The following PTPN14 variants were observed in gnomAD, a reference collection of about 807,000 sequenced individuals.
PTPN14 encodes protein tyrosine phosphatase non-receptor type 14.
PTPN14 carries 53 observed loss-of-function variants against 126.8 expected under a neutral mutation model. The ratio of observed to expected loss-of-function variants is 0.42; its 90% CI spans 0.34 to 0.53. The LOEUF is 0.53. Among genes scored for constraint, PTPN14 ranks in the 20% least tolerant of loss-of-function variants. The pLI, the probability that PTPN14 is intolerant of heterozygous loss-of-function variation, is 0.08. For synonymous variants in PTPN14, 630 were observed against 599.3 expected (o/e 1.05, Z -0.75); for missense variants, 1,257 against 1,552.9 (o/e 0.81, Z 3.20).
In PTPN14 at chr1:214,535,318, G is replaced by T. The variant is rs143507981; in HGVS notation, c.-155+15865C>A. Among the ~76,000 whole-genome samples, 212 of 152,184 alleles carry T rather than the reference G, an allele frequency of 1.4e-3. 2 individuals carry two copies. The highest frequency in any genetic ancestry group is 4.9e-3 in the African/African-American group (205 of 41,494). On this transcript the variant is annotated intron_variant, in intron 1 of 18. Transcript: ENST00000366956. ...GAAATATTTCTATCCAACACGCTTTGTCTGCTTCAATGACATAAAGATTAG... is the reference window on the plus strand; with the variant it reads ...GAAATATTTCTATCCAACACGCTTTTTCTGCTTCAATGACATAAAGATTAG...
chr1:214,412,668 C>CA (rs1467391252), intron 4 of PTPN14, among the ~76,000 whole-genome samples: 6 of 151,814 alleles, frequency 4.0e-5, no homozygotes, highest in Admixed American at 1.3e-4. Context: ...TAAGCGTTCT[C>CA]AAAAAAAAGT....
intron 1 of PTPN14, chr1:214,532,502 G>A (rs1655578300): frequency 2.2e-6 from 2 of 907,816 alleles, no homozygotes; most frequent in Admixed American, 1.7e-5. Flanking sequence ...AGAACTGGAG[G>A]CTGGAGAGCA....
intron 1 of PTPN14, among the ~76,000 whole-genome samples, chr1:214,516,289 T>C (rs559772335): frequency 8.6e-5 from 13 of 150,464 alleles, no homozygotes; most frequent in Non-Finnish European, 1.6e-4. Flanking sequence ...CTTGTGTGTT[T>C]TGGTTTTGTT....
chr1:214,414,679 A>G lies in PTPN14; in HGVS notation c.392T>C (p.Leu131Ser). ...QVKKDVLEGR[L>S]RCTLDQVIRL... is the part of the protein sequence containing the mutation. The stretch of plus-strand genomic sequence containing the variant: ...AATCACCTGGTCCAATGTACATCGT[A>G]ATCGCCCTTCAAGCACATCTTTTTT... The change falls in exon 4 of 19, where the codon TTA becomes TCA. Residue 131 changes from leucine (L) to serine (S), a missense_variant. By Grantham distance (145) the Leu-to-Ser change is moderately radical. Coordinates refer to ENST00000366956, the MANE Select transcript of PTPN14 (RefSeq NM_005401.5). 6.2e-7 allele frequency: 1 copy of G among 1,614,118 alleles called. No individual in the cohort carries two copies. The highest frequency in any genetic ancestry group is 8.5e-7 in the Non-Finnish European group (1 of 1,179,964).
intron 1 of PTPN14, among the ~76,000 whole-genome samples, chr1:214,501,403 C>T (rs1045122112): frequency 2.0e-5 from 3 of 152,162 alleles, no homozygotes; most frequent in African/African-American, 7.2e-5. Context: ...CCACACCCTG[C>T]TAATTTTTTG....
intron 1 of PTPN14, chr1:214,531,699 T>C (rs1655553984): frequency 6.6e-6 from 1 of 152,212 alleles, no homozygotes; most frequent in Non-Finnish European, 1.5e-5. Flanking sequence ...CACCATTATT[T>C]CTGAGCAGAC....
At chr1:214,443,130 A>C (rs1032780117) in intron 3 of PTPN14, among the ~76,000 whole-genome samples, 5 of 152,186 alleles carry the variant, frequency 3.3e-5, no homozygotes, top group Non-Finnish European at 7.3e-5. Flanking sequence ...GCCTAACTGC[A>C]TATCTTTCAC....
Position 214,390,999 on chromosome 1 carries a change from G to A in PTPN14, c.976C>T (p.Arg326Ter), listed in dbSNP as rs997254846. ...GCTTCTATACATACCAGAGAGGATC[G>A]GCTCCAGGTGGGCTGGCGTCTGATG... ...PPIRRQPTWS[R>*]SSLPRQQPYI... Residue 326 changes from arginine to a stop codon, truncating the protein, a stop_gained, in exon 11 of 19, where the codon CGA (arginine) becomes TGA (stop). Transcript: ENST00000366956. LOFTEE classifies it high-confidence loss of function. The A allele has an allele frequency of 5.1e-6, 8 of 1,579,482 alleles. No homozygotes were observed. Among genetic ancestry groups the A allele is most frequent in the South Asian group, 1.2e-5 (1 of 86,020 alleles).
chr1:214,388,340 A>C (rs1239588784), intron 11 of PTPN14, among the ~76,000 whole-genome samples: 1 of 152,080 alleles, frequency 6.6e-6, no homozygotes, highest in Non-Finnish European at 1.5e-5. Context: ...TTTGCGGGGG[A>C]AAAAACCCTC....
At chr1:214,440,945 ATAGTAC>A (rs751333427) in intron 3 of PTPN14, among the ~76,000 whole-genome samples, 14 of 152,208 alleles carry the variant, frequency 9.2e-5, no homozygotes, top group Non-Finnish European at 1.8e-4. Context: ...ATCAGCCCTC[ATAGTAC>A]TAGTTAATAA....
intron 3 of PTPN14, among the ~76,000 whole-genome samples, chr1:214,428,237 G>C (rs1659713799): frequency 6.6e-6 from 1 of 152,230 alleles, no homozygotes; most frequent in Non-Finnish European, 1.5e-5. Flanking sequence ...ATATTCTGAA[G>C]GCTGGATGTG....
chr1:214,433,429 A>G (rs1380931333), intron 3 of PTPN14, among the ~76,000 whole-genome samples: 1 of 151,970 alleles, frequency 6.6e-6, no homozygotes, highest in East Asian at 1.9e-4. Context: ...TCTTAGAGCT[A>G]CTTATAGAAA....
At chr1:214,450,345 G>A (rs1660246580) in intron 3 of PTPN14, among the ~76,000 whole-genome samples, 2 of 151,244 alleles carry the variant, frequency 1.3e-5, no homozygotes. Context: ...GGTGGCAGGC[G>A]CCTATAATCC....
At chr1:214,428,451 G>A (rs1375702593) in intron 3 of PTPN14, among the ~76,000 whole-genome samples, 13 of 152,140 alleles carry the variant, frequency 8.5e-5, no homozygotes, top group South Asian at 2.1e-4. Flanking sequence ...ATCAAACCAC[G>A]TCAGTCAAAC....
At chr1:214,417,031 AC>A (rs1314111738) in intron 3 of PTPN14, among the ~76,000 whole-genome samples, 1 of 151,972 alleles carries the variant, frequency 6.6e-6, no homozygotes, top group Non-Finnish European at 1.5e-5. Flanking sequence ...AAAAAAAAAA[AC>A]AACAATTTTC....
At chr1:214,468,054 T>A (rs1465529252) in intron 1 of PTPN14, among the ~76,000 whole-genome samples, 1 of 151,824 alleles carries the variant, frequency 6.6e-6, no homozygotes, top group Non-Finnish European at 1.5e-5. Flanking sequence ...AAAAAAAAAA[T>A]AGCTGTAAAA....
intron 1 of PTPN14, among the ~76,000 whole-genome samples, chr1:214,540,425 A>G (rs1655807455): frequency 6.6e-6 from 1 of 152,216 alleles, no homozygotes; most frequent in Admixed American, 6.5e-5. Context: ...CCCTAGAAAC[A>G]GACTGGTGCA....
In PTPN14 at chr1:214,418,586, G is replaced by C. The variant is rs79203260; in HGVS notation, c.345-3860C>G. On this transcript the variant is annotated intron_variant, in intron 3 of 18. Coordinates refer to ENST00000366956, the MANE Select transcript of PTPN14 (RefSeq NM_005401.5). ...ATTTCACTGAAGTCTAAAAATAAAA[G>C]TGAAAATAAAACACCACTACCCGGT... Among the ~76,000 whole-genome samples the C allele has an allele frequency of 3.0e-3, 464 of 152,316 alleles. 11 individuals are homozygous for C. The East Asian group carries it at 0.053, about 17-fold the overall frequency.
At chr1:214,534,217 G>C (rs911649909) in intron 1 of PTPN14, among the ~76,000 whole-genome samples, 2 of 152,086 alleles carry the variant, frequency 1.3e-5, no homozygotes, top group African/African-American at 4.8e-5. Flanking sequence ...CTGGCCATAT[G>C]TAACAAGATC....
Sources: allele counts gnomAD v4.1 joint callset (sites outside exome capture counted in the v4.1 genomes callset), GRCh38; gene constraint gnomAD v4.1.1; transcripts MANE v1.5; gene names NCBI Gene and HGNC (gene_info 2026-07-23, HGNC 2026-07-21).